CEP128: variants seen among roughly 807,000 people sequenced by gnomAD.
The protein encoded by CEP128 is centrosomal protein 128.
CEP128 carries 132 observed loss-of-function variants against 156.7 expected under a neutral mutation model. That is an observed-to-expected ratio of 0.84 (90% CI 0.73 to 0.97). The LOEUF is 0.97. CEP128 is among the 50% of genes least tolerant of loss of function. The pLI, the probability that CEP128 is intolerant of heterozygous loss-of-function variation, is 0.00. For missense variants in CEP128, 1,252 were observed against 1,281.9 expected, an observed-to-expected ratio of 0.98 and a Z score of 0.36; for synonymous variants, 469 against 448.9, an observed-to-expected ratio of 1.04 and a Z score of -0.57.
intron 19 of CEP128, among the ~76,000 whole-genome samples, chr14:80,683,881 A>G (rs1372042520): frequency 6.6e-6 from 1 of 152,048 alleles, no homozygotes; most frequent in East Asian, 1.9e-4. Context: ...GGTAAAAAAC[A>G]AAATTCTTTG....
At chr14:80,892,504 G>A (rs537517192) in intron 8 of CEP128, among the ~76,000 whole-genome samples, 80 of 151,956 alleles carry the variant, frequency 5.3e-4, no homozygotes, top group African/African-American at 1.6e-3. Flanking sequence ...TGATTTTTGC[G>A]TATCAAACCA....
chr14:80,645,764 C>A (rs934900888), intron 19 of CEP128, among the ~76,000 whole-genome samples: 1 of 152,110 alleles, frequency 6.6e-6, no homozygotes, highest in African/African-American at 2.4e-5. Flanking sequence ...CAAAAATCTG[C>A]ACATGAATGT....
intron 19 of CEP128, among the ~76,000 whole-genome samples, chr14:80,659,831 A>T (rs1895323859): frequency 6.6e-6 from 1 of 152,174 alleles, no homozygotes; most frequent in Non-Finnish European, 1.5e-5. Context: ...CAGATGTGCA[A>T]TTATATGACA....
At chr14:80,579,480 G>A (rs1054613344) in intron 20 of CEP128, among the ~76,000 whole-genome samples, 1 of 152,050 alleles carries the variant, frequency 6.6e-6, no homozygotes, top group Non-Finnish European at 1.5e-5. Flanking sequence ...CTCTTAATGG[G>A]TATACCATCA....
intron 13 of CEP128, among the ~76,000 whole-genome samples, chr14:80,825,501 G>A (rs1045009116): frequency 1.6e-4 from 24 of 152,084 alleles, no homozygotes; most frequent in Non-Finnish European, 3.1e-4. Context: ...TTTCTAAACT[G>A]TTTTACTGAC....
intron 8 of CEP128, among the ~76,000 whole-genome samples, chr14:80,864,792 A>G (rs572793385): frequency 3.3e-5 from 5 of 152,244 alleles, no homozygotes; most frequent in South Asian, 4.1e-4. Context: ...CCTGACCTCA[A>G]GTGATCCACC....
chr14:80,660,496 T>C (rs2140893403), intron 19 of CEP128, among the ~76,000 whole-genome samples: 1 of 152,316 alleles, frequency 6.6e-6, no homozygotes, highest in Middle Eastern at 3.4e-3. Flanking sequence ...GTGATAAATC[T>C]GGAAGAGTTT....
At position 80,785,396 on chromosome 14, in the gene CEP128, A is replaced by C. The variant is rs1901352210; in HGVS notation, c.1710T>G (p.Ile570Met). ...ATTCAAGGTCAGCTTGATGAGACTT[A>C]ATATCACGTAATTTCTCCTCCTTGG... is the stretch of plus-strand genomic sequence containing the variant. ...LHSKEEKLRD[I>M]KSHQADLELE... Residue 570 changes from isoleucine (I) to methionine (M), a missense_variant, in exon 15 of 25, where the codon ATT (isoleucine) becomes ATG (methionine). Transcript: ENST00000555265. 2.5e-6 allele frequency: 4 copies of C among 1,614,012 alleles called. No individual in the cohort carries two copies. Among genetic ancestry groups the C allele is most frequent in the Non-Finnish European group, 3.4e-6 (4 of 1,180,010 alleles).
Position 80,744,140 on chromosome 14 carries a change from A to G in CEP128, c.2614-873T>C, listed in dbSNP as rs114703263. Among the ~76,000 whole-genome samples, 923 of 152,124 alleles carry G rather than the reference A, an allele frequency of 6.1e-3. 10 individuals carry two copies. Among genetic ancestry groups the G allele is most frequent in the African/African-American group, 0.021 (858 of 41,514 alleles). ...TCCACCTGTCTCAGCCTCCCGAAGT[A>G]CTAGAACTACTGACATGAGTGACCA... On this transcript the variant is annotated intron_variant, in intron 18 of 24. Transcript: ENST00000555265.
chr14:80,582,858 G>A (rs150577859), intron 19 of CEP128, among the ~76,000 whole-genome samples: 25 of 152,240 alleles, frequency 1.6e-4, no homozygotes, highest in Non-Finnish European at 3.2e-4. Context: ...GGTTCTCAGA[G>A]CTGGGCACTT....
At chr14:80,734,437 T>C (rs181914160) in intron 19 of CEP128, among the ~76,000 whole-genome samples, 52 of 152,206 alleles carry the variant, frequency 3.4e-4, no homozygotes, top group African/African-American at 1.1e-3. Flanking sequence ...ACCCTGACTT[T>C]TTTTTTTAGG....
At position 80,849,772 on chromosome 14, in the gene CEP128, T is replaced by C. The variant is rs183955798; in HGVS notation, c.763-9004A>G. ...GATAATCTATCTGTTGGATAAACTATCCAACAGAACACCAATAGAAAATAA... is the reference window on the plus strand; with the variant it reads ...GATAATCTATCTGTTGGATAAACTACCCAACAGAACACCAATAGAAAATAA... On this transcript the variant is annotated intron_variant, in intron 9 of 24. Coordinates refer to ENST00000555265, the MANE Select transcript of CEP128 (RefSeq NM_152446.5). 1.1e-4 allele frequency among the ~76,000 whole-genome samples: 17 copies of C among 152,112 alleles called. No individual in the cohort carries two copies. In the East Asian group the frequency reaches 1.9e-3, roughly 17 times the overall value.
chr14:80,610,585 C>T (rs1892955449), intron 19 of CEP128, among the ~76,000 whole-genome samples: 1 of 152,100 alleles, frequency 6.6e-6, no homozygotes, highest in Non-Finnish European at 1.5e-5. Flanking sequence ...TTTTCATTCA[C>T]TCTTAGTAAG....
chr14:80,830,165 C>A, intron 13 of CEP128: 1 of 539,434 alleles, frequency 1.9e-6, no homozygotes. Flanking sequence ...TGCTCTGAGA[C>A]AATTTCAAGT....
chr14:80,532,175 T>C (rs76957536), intron 21 of CEP128, among the ~76,000 whole-genome samples: 4,357 of 152,126 alleles, frequency 0.029, 162 homozygotes, highest in African/African-American at 0.084. Flanking sequence ...ATGGGGAATC[T>C]CTCAATTATG....
chr14:80,733,815 C>G (rs549068973), intron 19 of CEP128, among the ~76,000 whole-genome samples: 1 of 152,072 alleles, frequency 6.6e-6, no homozygotes, highest in Non-Finnish European at 1.5e-5. Context: ...TAATCAATAA[C>G]AAAGAATAAT....
At chr14:80,501,654 G>A (rs578148866) in intron 24 of CEP128, among the ~76,000 whole-genome samples, 7 of 151,796 alleles carry the variant, frequency 4.6e-5, no homozygotes, top group Non-Finnish European at 1.0e-4. Flanking sequence ...ACAGGCACCC[G>A]CCACCACGCC....
At chr14:80,723,648 G>A (rs902643026) in intron 19 of CEP128, among the ~76,000 whole-genome samples, 2 of 152,156 alleles carry the variant, frequency 1.3e-5, no homozygotes, top group Non-Finnish European at 2.9e-5. Flanking sequence ...TATGATTTTA[G>A]CACTTGTTTT....
intron 19 of CEP128, among the ~76,000 whole-genome samples, chr14:80,583,705 C>A (rs774927295): frequency 2.0e-5 from 3 of 152,180 alleles, no homozygotes; most frequent in Non-Finnish European, 4.4e-5. Context: ...CTACATCCAC[C>A]CTTGACTGAA....
Sources: allele counts gnomAD v4.1 joint callset (sites outside exome capture counted in the v4.1 genomes callset), GRCh38; gene constraint gnomAD v4.1.1; transcripts MANE v1.5; gene names NCBI Gene and HGNC (gene_info 2026-07-23, HGNC 2026-07-21).